IQCK: variants seen among roughly 807,000 people sequenced by gnomAD.
IQCK encodes IQ domain-containing protein K.
IQCK carries 29 observed loss-of-function variants against 28.1 expected under a neutral mutation model. That is an observed-to-expected ratio of 1.03 (90% CI 0.77 to 1.41). IQCK has a LOEUF of 1.41. Ranked by LOEUF, IQCK falls within the 40% of genes most tolerant of loss-of-function variation. The pLI is 0.00. For synonymous variants in IQCK, 113 were observed against 115.1 expected (o/e 0.98, Z 0.12); for missense variants, 359 against 314.7 (o/e 1.14, Z -1.07).
At position 19,847,006 on chromosome 16, in the gene IQCK, A is replaced by G. The variant is rs556327007; in HGVS notation, c.803-9481A>G. ...GGTTTTGGAGTCAAAAGATACCAAG[A>G]TCAGAATCTTGGTGTGGCCATTTAC... On this transcript the variant is annotated intron_variant, in intron 9 of 9. Coordinates refer to the IQCK transcript ENST00000320394. Among the ~76,000 whole-genome samples the G allele has an allele frequency of 5.8e-4, 88 of 152,258 alleles. 1 individual carries two copies. The highest frequency in any genetic ancestry group is 1.3e-4 in the Admixed American group (2 of 15,284).
chr16:19,738,995 C>T (rs145431631), intron 4 of IQCK, among the ~76,000 whole-genome samples: 475 of 152,306 alleles, frequency 3.1e-3, no homozygotes, highest in Non-Finnish European at 4.5e-3. Flanking sequence ...TGGGAACCCC[C>T]TCCCCATGCT....
chr16:19,851,596 A>G (rs1288548944), intron 9 of IQCK, among the ~76,000 whole-genome samples: 1 of 152,124 alleles, frequency 6.6e-6, no homozygotes, highest in Non-Finnish European at 1.5e-5. Flanking sequence ...ACTGAGTCTT[A>G]TTAGTATGCA....
chr16:19,779,918 C>G (rs2055453438), intron 6 of IQCK, among the ~76,000 whole-genome samples: 1 of 151,384 alleles, frequency 6.6e-6, no homozygotes, highest in Admixed American at 6.6e-5. Flanking sequence ...GGGGTTTCAC[C>G]ATGTTAGCCA....
At chr16:19,733,661 T>G (rs772161757) in intron 2 of IQCK, 37 bp from the exon 3 acceptor site, 19 of 1,609,534 alleles carry the variant, frequency 1.2e-5, no homozygotes, top group Non-Finnish European at 1.6e-5. Context: ...TTTAAGCTGT[T>G]TAAATGAATT....
intron 1 of IQCK, among the ~76,000 whole-genome samples, chr16:19,729,889 C>T (rs988520214): frequency 5.3e-5 from 8 of 151,940 alleles, no homozygotes; most frequent in Non-Finnish European, 8.8e-5. Flanking sequence ...TGTGATCCGC[C>T]CGCCTCTGCC....
chr16:19,783,056 T>G (rs1045682310), intron 6 of IQCK, among the ~76,000 whole-genome samples: 1 of 151,468 alleles, frequency 6.6e-6, no homozygotes, highest in Non-Finnish European at 1.5e-5. Context: ...TGGAGTACAG[T>G]GGTGCGATCT....
At chr16:19,845,650 CTATAAATACA>C (rs2056408272) in intron 9 of IQCK, among the ~76,000 whole-genome samples, 1 of 152,180 alleles carries the variant, frequency 6.6e-6, no homozygotes, top group South Asian at 2.1e-4. Context: ...ACGAATAGAT[CTATAAATACA>C]TATGAATAAC....
chr16:19,852,918 G>GA (rs1434272976), intron 9 of IQCK, among the ~76,000 whole-genome samples: 1 of 152,058 alleles, frequency 6.6e-6, no homozygotes, highest in Non-Finnish European at 1.5e-5. Flanking sequence ...CACCGCACGC[G>GA]GCCTCCTTCA....
At chr16:19,733,961 T>G in intron 3 of IQCK, 134 bp downstream of exon 3, 1 of 777,332 alleles carries the variant, frequency 1.3e-6, no homozygotes, top group East Asian at 2.6e-5. Flanking sequence ...TGTTTTATTT[T>G]TAAGAGACAT....
At chr16:19,758,384 G>A (rs1408119891) in intron 4 of IQCK, among the ~76,000 whole-genome samples, 4 of 152,116 alleles carry the variant, frequency 2.6e-5, no homozygotes, top group Non-Finnish European at 5.9e-5. Context: ...TCTTTGCATC[G>A]AAAGTGATTA....
At chr16:19,821,858 G>A (rs79618362) in intron 7 of IQCK, among the ~76,000 whole-genome samples, 11,786 of 152,064 alleles carry the variant, frequency 0.078, 807 homozygotes, top group East Asian at 0.25. Flanking sequence ...AGGATTGCTT[G>A]AACCCAGGAG....
intron 4 of IQCK, among the ~76,000 whole-genome samples, chr16:19,747,826 C>A (rs1371515645): frequency 6.6e-6 from 1 of 152,120 alleles, no homozygotes; most frequent in Admixed American, 6.6e-5. Context: ...GAGTTTGTTC[C>A]CTTTTATAGA....
chr16:19,839,175 T>C (rs1597604285), intron 9 of IQCK, among the ~76,000 whole-genome samples: 2 of 144,952 alleles, frequency 1.4e-5, no homozygotes, highest in Admixed American at 1.4e-4. Context: ...ATTTATTTAT[T>C]TTGGAGATAG....
intron 1 of IQCK, among the ~76,000 whole-genome samples, chr16:19,719,350 C>T (rs1977397149): frequency 6.6e-6 from 1 of 151,972 alleles, no homozygotes; most frequent in Non-Finnish European, 1.5e-5. Context: ...GTCAAGGACT[C>T]AGATTTTTCA....
At chr16:19,785,104 A>G (rs2055544937) in intron 6 of IQCK, among the ~76,000 whole-genome samples, 1 of 152,200 alleles carries the variant, frequency 6.6e-6, no homozygotes, top group Admixed American at 6.5e-5. Context: ...AGAAGCAGTA[A>G]TAAGACAAAC....
intron 7 of IQCK, among the ~76,000 whole-genome samples, chr16:19,820,063 A>G (rs2056048403): frequency 6.6e-6 from 1 of 152,108 alleles, no homozygotes; most frequent in African/African-American, 2.4e-5. Flanking sequence ...TTGGACCCTT[A>G]CCCCACACCG....
chr16:19,813,054 T>A (rs1409463881), intron 7 of IQCK, among the ~76,000 whole-genome samples: 1 of 152,224 alleles, frequency 6.6e-6, no homozygotes, highest in African/African-American at 2.4e-5. Context: ...TCCCAGGTGA[T>A]GCTGATATTT....
intron 1 of IQCK, among the ~76,000 whole-genome samples, chr16:19,728,116 C>G (rs1027111582): frequency 1.5e-4 from 23 of 151,872 alleles, no homozygotes; most frequent in Admixed American, 1.4e-3. Context: ...TCCTGCTGCC[C>G]TTGAAGTAGC....
intron 7 of IQCK, among the ~76,000 whole-genome samples, chr16:19,814,725 A>G (rs1446049493): frequency 6.6e-6 from 1 of 152,030 alleles, no homozygotes; most frequent in Non-Finnish European, 1.5e-5. Context: ...GAAAAGTAAT[A>G]TAGCAATATT....
Sources: gnomAD v4.1 joint callset for allele counts (sites outside exome capture counted in the v4.1 genomes callset) on GRCh38, gnomAD v4.1.1 for gene constraint, MANE v1.5 for transcripts, NCBI Gene and HGNC (gene_info 2026-07-23, HGNC 2026-07-21) for gene names.